The following OR3A2 variants were observed in gnomAD, a reference collection of about 807,000 sequenced individuals.
OR3A2 encodes olfactory receptor 3A2.
For synonymous variants in OR3A2, 126 were observed against 159.3 expected, an observed-to-expected ratio of 0.79 and a Z score of 1.57; for missense variants, 318 against 392.8, an observed-to-expected ratio of 0.81 and a Z score of 1.61.
exon 2 of OR3A2, chr17:3,277,641 T>C: frequency 4.8e-6 from 1 of 207,298 alleles, no homozygotes; most frequent in Non-Finnish European, 9.8e-6. Context: ...TCTTTGTTCA[T>C]CTCTATAGAA....
intron 3 of OR3A2, chr17:3,309,972 G>A (rs2049028272): frequency 4.6e-6 from 1 of 217,346 alleles, no homozygotes; most frequent in Non-Finnish European, 9.3e-6. Flanking sequence ...CTGTAGACTT[G>A]GGGTTTCCTC....
intron 2 of OR3A2, among the ~76,000 whole-genome samples, chr17:3,340,300 C>T (rs1041383533): frequency 7.9e-5 from 12 of 151,924 alleles, no homozygotes; most frequent in Non-Finnish European, 1.0e-4. Flanking sequence ...TATTTCTTGC[C>T]TTCTGCTAGC....
At chr17:3,372,868 A>AG (rs1567571742) in intron 2 of OR3A2, among the ~76,000 whole-genome samples, 1 of 21,520 alleles carries the variant, frequency 4.6e-5, no homozygotes, top group African/African-American at 2.2e-4. Flanking sequence ...AGGGAGAGGG[A>AG]GAGGGAGAGG....
intron 2 of OR3A2, among the ~76,000 whole-genome samples, chr17:3,351,542 C>G (rs1193223588): frequency 3.1e-3 from 353 of 115,670 alleles, no homozygotes; most frequent in African/African-American, 0.011. Flanking sequence ...AGGATACAAA[C>G]AAATGGAAGA....
intron 3 of OR3A2, among the ~76,000 whole-genome samples, chr17:3,297,405 C>A (rs1277284895): frequency 6.6e-6 from 1 of 152,154 alleles, no homozygotes; most frequent in African/African-American, 2.4e-5. Flanking sequence ...GATTCTGTAT[C>A]TTCCCATCTT....
intron 1 of OR3A2, among the ~76,000 whole-genome samples, chr17:3,279,625 C>T (rs1357563257): frequency 6.6e-6 from 1 of 152,154 alleles, no homozygotes; most frequent in South Asian, 2.1e-4. Context: ...GAAACCACAT[C>T]TCTACTACAA....
intron 2 of OR3A2, among the ~76,000 whole-genome samples, chr17:3,367,063 T>C (rs769740795): frequency 6.6e-6 from 1 of 152,158 alleles, no homozygotes; most frequent in Non-Finnish European, 1.5e-5. Flanking sequence ...AGATAATTGA[T>C]AAGGCTCTAG....
chr17:3,370,634 ATTT>A (rs142431057), intron 2 of OR3A2, among the ~76,000 whole-genome samples: 1 of 148,374 alleles, frequency 6.7e-6, no homozygotes, highest in East Asian at 2.0e-4. Context: ...GTTCTTTCGG[ATTT>A]TTTTTTTTAT....
At chr17:3,337,988 C>T (rs1270601260) in intron 2 of OR3A2, among the ~76,000 whole-genome samples, 1 of 152,166 alleles carries the variant, frequency 6.6e-6, no homozygotes, top group Non-Finnish European at 1.5e-5. Context: ...GAGATGGTAT[C>T]TCATTGTGGT....
At chr17:3,379,770 G>A (rs1475162520) in intron 2 of OR3A2, among the ~76,000 whole-genome samples, 3 of 152,130 alleles carry the variant, frequency 2.0e-5, no homozygotes, top group Non-Finnish European at 4.4e-5. Context: ...AACACACCCC[G>A]TCCCTCACAT....
At chr17:3,323,883 T>A (rs1370867582) in intron 3 of OR3A2, among the ~76,000 whole-genome samples, 1 of 152,060 alleles carries the variant, frequency 6.6e-6, no homozygotes, top group Non-Finnish European at 1.5e-5. Context: ...TCTCTGTATT[T>A]CCTGAATTTG....
intron 2 of OR3A2, among the ~76,000 whole-genome samples, chr17:3,361,873 TTC>T (rs1567568145): frequency 2.6e-5 from 4 of 151,018 alleles, no homozygotes; most frequent in African/African-American, 2.4e-5. Context: ...TGGTCTAAAA[TTC>T]TCTTTTTTTG....
chr17:3,357,650 A>G (rs1291578163), intron 2 of OR3A2, among the ~76,000 whole-genome samples: 1 of 151,628 alleles, frequency 6.6e-6, no homozygotes, highest in Non-Finnish European at 1.5e-5. Flanking sequence ...TGATGGCTGC[A>G]GAACATTGTG....
intron 3 of OR3A2, among the ~76,000 whole-genome samples, chr17:3,295,939 G>C (rs1414028861): frequency 6.6e-6 from 1 of 152,210 alleles, no homozygotes; most frequent in East Asian, 1.9e-4. Flanking sequence ...AAGAGAAATA[G>C]TCAGAAACAG....
chr17:3,322,991 T>A lies in OR3A2; in HGVS notation c.-85+13042A>T, dbSNP rs111574289. Among the ~76,000 whole-genome samples, 6 of 152,224 alleles carry A rather than the reference T, an allele frequency of 3.9e-5. 1 individual carries two copies. The highest frequency in any genetic ancestry group is 1.9e-4 in the East Asian group (1 of 5,182). The stretch of plus-strand genomic sequence containing the variant: ...GGGGTGTTAAAGTCTCCCATTATTA[T>A]TGTGTGGGAGTCTAAGTCTCTTTGT... On this transcript the variant is annotated intron_variant, in intron 3 of 4. Coordinates refer to the OR3A2 transcript ENST00000573491.
intron 2 of OR3A2, among the ~76,000 whole-genome samples, chr17:3,341,632 C>T (rs1033975356): frequency 6.6e-6 from 1 of 152,152 alleles, no homozygotes. Context: ...CTGAGAGATC[C>T]ACTGTTAGTC....
At chr17:3,323,878 G>T (rs1467979060) in intron 3 of OR3A2, among the ~76,000 whole-genome samples, 1 of 151,968 alleles carries the variant, frequency 6.6e-6, no homozygotes, top group Non-Finnish European at 1.5e-5. Context: ...GGTGTTCTCT[G>T]TATTTCCTGA....
rs113643830 is a variant in OR3A2 at position 3,362,933 on chromosome 17, G to T, written c.-179+20871C>A. Among the ~76,000 whole-genome samples the T allele has an allele frequency of 2.4e-3, 360 of 151,984 alleles. 17 individuals carry two copies. The highest frequency in any genetic ancestry group is 8.0e-3 in the African/African-American group (331 of 41,246). On this transcript the variant is annotated intron_variant, in intron 2 of 4. Coordinates refer to the OR3A2 transcript ENST00000573491. The stretch of plus-strand genomic sequence containing the variant: ...GAAACAATGGCCTGAGCTGTACCTT[G>T]GCCCCTTTTAGCCACAGCTGGAGCT...
intron 1 of OR3A2, 51 bp downstream of exon 4, chr17:3,279,025 C>A: frequency 1.3e-6 from 2 of 1,531,040 alleles, no homozygotes; most frequent in Non-Finnish European, 1.8e-6. Context: ...GTGGCGAGTC[C>A]CCAGGCCATC....
Sources: allele counts gnomAD v4.1 joint callset (sites outside exome capture counted in the v4.1 genomes callset), GRCh38; gene constraint gnomAD v4.1.1; transcripts MANE v1.5; gene names NCBI Gene and HGNC (gene_info 2026-07-23, HGNC 2026-07-21).